APBB1IP: variants seen among roughly 807,000 people sequenced by gnomAD.
APBB1IP encodes the protein amyloid beta precursor protein binding family B member 1 interacting protein, also known as amyloid beta A4 precursor protein-binding family B member 1-interacting protein.
APBB1IP carries 27 observed loss-of-function variants against 64.9 expected under a neutral mutation model. The observed-to-expected ratio is 0.42, with a 90% CI of 0.31 to 0.57. APBB1IP has a LOEUF of 0.57. Among genes scored for constraint, APBB1IP ranks in the 20% least tolerant of loss-of-function variants. The pLI is 0.20. For synonymous variants in APBB1IP, 392 were observed against 331.0 expected (o/e 1.18, Z -2.00); for missense variants, 812 against 845.5 (o/e 0.96, Z 0.49).
intron 11 of APBB1IP, among the ~76,000 whole-genome samples, chr10:26,544,051 G>A (rs1836730482): frequency 6.6e-6 from 1 of 152,180 alleles, no homozygotes; most frequent in Admixed American, 6.5e-5. Flanking sequence ...CAGCCAGGAA[G>A]TGGCCAAGTC....
At chr10:26,491,291 AAAG>A (rs1648897957) in intron 2 of APBB1IP, among the ~76,000 whole-genome samples, 1 of 152,182 alleles carries the variant, frequency 6.6e-6, no homozygotes, top group South Asian at 2.1e-4. Flanking sequence ...AAAGAAAAAA[AAAG>A]AAAGAAAAGA....
intron 8 of APBB1IP, among the ~76,000 whole-genome samples, chr10:26,527,038 T>A (rs1836483486): frequency 6.6e-6 from 1 of 152,238 alleles, no homozygotes; most frequent in East Asian, 1.9e-4. Context: ...GGCATCATTC[T>A]TCCATTCCCT....
intron 4 of APBB1IP, among the ~76,000 whole-genome samples, chr10:26,499,844 A>C (rs917500625): frequency 6.6e-6 from 1 of 152,128 alleles, no homozygotes; most frequent in African/African-American, 2.4e-5. Context: ...GTCTTCATTA[A>C]GTTTCTACCA....
At chr10:26,486,359 A>G (rs1009683606) in intron 2 of APBB1IP, among the ~76,000 whole-genome samples, 2 of 152,174 alleles carry the variant, frequency 1.3e-5, no homozygotes, top group African/African-American at 2.4e-5. Flanking sequence ...AGGCAAGGAG[A>G]AGCCTTCTAC....
chr10:26,532,238 T>C (rs1026473487), intron 8 of APBB1IP, among the ~76,000 whole-genome samples: 2 of 152,192 alleles, frequency 1.3e-5, no homozygotes, highest in African/African-American at 4.8e-5. Context: ...AAACTCCGTG[T>C]TTTTACATAA....
chr10:26,547,688 G>A (rs1030657949), intron 11 of APBB1IP, among the ~76,000 whole-genome samples: 4 of 151,980 alleles, frequency 2.6e-5, no homozygotes, highest in Non-Finnish European at 5.9e-5. Flanking sequence ...CAGGTGATTC[G>A]CCTACCTCGG....
chr10:26,494,191 C>T (rs559512878), intron 3 of APBB1IP, among the ~76,000 whole-genome samples: 1 of 152,264 alleles, frequency 6.6e-6, no homozygotes, highest in African/African-American at 2.4e-5. Context: ...ACCACTCAAC[C>T]ATAGACTGAG....
At chr10:26,455,690 T>TC (rs1835517299) in intron 2 of APBB1IP, among the ~76,000 whole-genome samples, 1 of 140,300 alleles carries the variant, frequency 7.1e-6, no homozygotes, top group Non-Finnish European at 1.6e-5. Flanking sequence ...TTGGGGGATT[T>TC]CTTTTTTTTT....
intron 11 of APBB1IP, among the ~76,000 whole-genome samples, chr10:26,542,115 G>T (rs963690078): frequency 5.3e-5 from 8 of 152,226 alleles, no homozygotes; most frequent in Admixed American, 3.3e-4. Context: ...GAAACTTCAG[G>T]TGTATATTGT....
At chr10:26,511,201 G>A (rs1836254619) in intron 6 of APBB1IP, among the ~76,000 whole-genome samples, 1 of 152,026 alleles carries the variant, frequency 6.6e-6, no homozygotes, top group African/African-American at 2.4e-5. Flanking sequence ...AAAATTAGCT[G>A]GGCATGGTAG....
At chr10:26,469,037 C>G (rs1835682351) in intron 2 of APBB1IP, among the ~76,000 whole-genome samples, 1 of 151,936 alleles carries the variant, frequency 6.6e-6, no homozygotes, top group Non-Finnish European at 1.5e-5. Context: ...AACCACAAGA[C>G]AGAGACCTGT....
At position 26,473,237 on chromosome 10, in the gene APBB1IP, G is replaced by A. The variant is rs75154999; in HGVS notation, c.1-19090G>A. Among the ~76,000 whole-genome samples, 90 of 152,294 alleles carry A rather than the reference G, an allele frequency of 5.9e-4. 1 individual carries two copies. The East Asian group carries it at 0.015, about 26-fold the overall frequency. ...ATTATTGAGTTATATATTGCTGGAAGTTTAACAACTTCTCTTGAATTCCAA... is the reference window on the plus strand; with the variant it reads ...ATTATTGAGTTATATATTGCTGGAAATTTAACAACTTCTCTTGAATTCCAA... On this transcript the variant is annotated intron_variant, in intron 2 of 14. Coordinates refer to ENST00000376236, the MANE Select transcript of APBB1IP (RefSeq NM_019043.4).
At chr10:26,503,671 T>C (rs552531430) in intron 6 of APBB1IP, among the ~76,000 whole-genome samples, 1 of 152,230 alleles carries the variant, frequency 6.6e-6, no homozygotes, top group East Asian at 1.9e-4. Flanking sequence ...AAGAAAATGT[T>C]GTGTGATACT....
At position 26,519,792 on chromosome 10, in the gene APBB1IP, T is replaced by TA. The variant is rs1266953978; in HGVS notation, c.813+6135dup. ...CAATTTTGAAGTGGCCAATTTTAAG[T>TA]AAATGTATTTCCATTTTCTCAGTGT... On this transcript the variant is annotated intron_variant, in intron 8 of 14. Coordinates refer to ENST00000376236, the MANE Select transcript of APBB1IP (RefSeq NM_019043.4). 5.9e-5 allele frequency among the ~76,000 whole-genome samples: 9 copies of TA among 152,372 alleles called. No homozygotes were observed. The East Asian group carries it at 1.3e-3, about 23-fold the overall frequency.
rs183657406 is a variant in APBB1IP, at chr10:26,518,599, A to G, written c.813+4939A>G. 2.2e-3 allele frequency among the ~76,000 whole-genome samples: 330 copies of G among 152,216 alleles called. 1 individual carries two copies. The highest frequency in any genetic ancestry group is 7.8e-3 in the African/African-American group (324 of 41,532). ...CCTTTGGTGTTACCATTAGTTTTTA[A>G]ATTTTATCCATTCTAGGGGTTTGTA... On this transcript the variant is annotated intron_variant, in intron 8 of 14. Transcript: ENST00000376236.
chr10:26,459,167 C>T (rs529856033), intron 2 of APBB1IP, among the ~76,000 whole-genome samples: 3 of 146,330 alleles, frequency 2.1e-5, no homozygotes, highest in South Asian at 2.2e-4. Flanking sequence ...TCAATTCCCA[C>T]CTATGAGTGA....
chr10:26,501,784 C>A (rs1053172842), intron 5 of APBB1IP: 1 of 152,236 alleles, frequency 6.6e-6, no homozygotes, highest in South Asian at 2.1e-4. Context: ...AGAGGAGAGT[C>A]CAGTTCAATT....
chr10:26,500,014 C>A (rs767294995), intron 4 of APBB1IP, among the ~76,000 whole-genome samples: 7 of 151,880 alleles, frequency 4.6e-5, no homozygotes, highest in Non-Finnish European at 8.8e-5. Context: ...AGTTTGAGAC[C>A]AGTCTGGGCA....
At position 26,533,483 on chromosome 10, in the gene APBB1IP, T is replaced by A; in HGVS notation, c.858T>A (p.Thr286=). ...DNRGKKESKE[T]NEKMNAKNKE... The stretch of plus-strand genomic sequence containing the variant: ...GAGGAAAAAAAGAAAGCAAGGAAAC[T>A]AATGAGAAAATGAATGCTAAGAACA... The change falls in exon 9 of 15, where the codon ACT becomes ACA. Residue 286 remains threonine (T), a synonymous_variant. Coordinates refer to ENST00000376236, the MANE Select transcript of APBB1IP (RefSeq NM_019043.4). 8 of 1,606,206 alleles carry A rather than the reference T, an allele frequency of 5.0e-6. No individual in the cohort carries two copies. Among genetic ancestry groups the A allele is most frequent in the Non-Finnish European group, 6.8e-6 (8 of 1,177,056 alleles).
Sources: allele counts gnomAD v4.1 joint callset (sites outside exome capture counted in the v4.1 genomes callset), GRCh38; gene constraint gnomAD v4.1.1; transcripts MANE v1.5; gene names NCBI Gene and HGNC (gene_info 2026-07-23, HGNC 2026-07-21).